PHF20L1: variants seen among roughly 807,000 people sequenced by gnomAD.
PHF20L1 encodes the protein PHD finger protein 20 like 1.
A neutral mutation model predicts 125.5 loss-of-function variants in PHF20L1; 44 were observed. The observed-to-expected ratio is 0.35, with a 90% confidence interval of 0.28 to 0.45. The LOEUF is 0.45. PHF20L1 is among the 20% of genes least tolerant of loss of function. PHF20L1 has a pLI of 1.00. For missense variants in PHF20L1, 1,012 were observed against 1,217.2 expected (o/e 0.83, Z 2.51); for synonymous variants, 380 against 403.1 (o/e 0.94, Z 0.69).
rs1838208935 is a variant in PHF20L1, at chr8:132,844,104, C to T, written c.2749-52C>T. 2.5e-6 allele frequency: 4 copies of T among 1,603,174 alleles called. No individual in the cohort carries two copies. The African/African-American group carries it at 5.4e-5, about 22-fold the overall frequency. On this transcript the variant is annotated intron_variant, in intron 19 of 20. Coordinates refer to ENST00000395386, the MANE Select transcript of PHF20L1 (RefSeq NM_016018.5). ...GTTTCCTGTATCCTTAACTCAATGA[C>T]TGCATTTCATCCCGTTCTTTGTGTT...
Position 132,842,552 on chromosome 8 carries a change from T to C in PHF20L1, c.2425T>C (p.Ser809Pro). Residue 809 changes from serine to proline, a missense_variant, in exon 19 of 21, where the codon TCC becomes CCC. By Grantham distance (74) the Ser-to-Pro change is moderately conservative. Around this residue, in one of 7 missense-constraint regions of PHF20L1, gnomAD observed 277 missense variants for 283.6 expected, o/e 0.98. Transcript: ENST00000395386. ...TCCTGACCTTCATCTCTGGGCTTGT[T>C]CCGGGAAGCGAAAAGACCAAGATCA... Reference protein sequence around the residue: ...HHPDLHLWACSGKRKDQDQII... With the variant: ...HHPDLHLWACPGKRKDQDQII... 1.2e-6 allele frequency: 2 copies of C among 1,611,266 alleles called. No homozygotes were observed. Among genetic ancestry groups the C allele is most frequent in the Non-Finnish European group, 1.7e-6 (2 of 1,179,090 alleles).
chr8:132,812,566 A>G, intron 9 of PHF20L1: 8 of 984,538 alleles, frequency 8.1e-6, no homozygotes, highest in Non-Finnish European at 9.6e-6. Context: ...ATCATTAATG[A>G]AAACCTTGTA....
chr8:132,821,670 TA>T (rs1835616747), intron 12 of PHF20L1, among the ~76,000 whole-genome samples: 3 of 151,920 alleles, frequency 2.0e-5, no homozygotes, highest in Non-Finnish European at 4.4e-5. Flanking sequence ...GAAGAATCTG[TA>T]ATGTTTAGCA....
At chr8:132,804,909 T>A (rs1661527588) in intron 8 of PHF20L1, among the ~76,000 whole-genome samples, 169 bp downstream of exon 8, 1 of 151,910 alleles carries the variant, frequency 6.6e-6, no homozygotes. Flanking sequence ...CACCGTCAGC[T>A]TTTTCTGTTG....
chr8:132,780,917 T>C (rs1830352025), intron 2 of PHF20L1, among the ~76,000 whole-genome samples: 2 of 150,874 alleles, frequency 1.3e-5, no homozygotes, highest in East Asian at 3.9e-4. Context: ...TGATCTTGGC[T>C]CACTAAAACC....
intron 2 of PHF20L1, among the ~76,000 whole-genome samples, chr8:132,781,538 C>T (rs938021853): frequency 1.3e-5 from 2 of 152,120 alleles, no homozygotes; most frequent in Admixed American, 1.3e-4. Context: ...AAGTGATTCC[C>T]CTGCCTCAGC....
intron 12 of PHF20L1, chr8:132,817,767 G>T: frequency 2.2e-6 from 1 of 446,746 alleles, no homozygotes. Flanking sequence ...GCTTAACCTT[G>T]TCACTTGATC....
At chr8:132,796,928 G>T (rs1832458816) in intron 4 of PHF20L1, among the ~76,000 whole-genome samples, 2 of 152,008 alleles carry the variant, frequency 1.3e-5, no homozygotes, top group Non-Finnish European at 2.9e-5. Context: ...AAGAGCTTTG[G>T]GGCCTTCGTT....
intron 2 of PHF20L1, among the ~76,000 whole-genome samples, chr8:132,793,597 TC>T (rs1832032347): frequency 6.6e-6 from 1 of 152,228 alleles, no homozygotes; most frequent in East Asian, 1.9e-4. Context: ...AATTGAGTCA[TC>T]TGTTAACATT....
Position 132,788,477 on chromosome 8 carries a change from A to G in PHF20L1, c.84-5933A>G, listed in dbSNP as rs1047488571. On this transcript the variant is annotated intron_variant, in intron 2 of 20. Coordinates refer to ENST00000395386, the MANE Select transcript of PHF20L1 (RefSeq NM_016018.5). The stretch of plus-strand genomic sequence containing the variant: ...TCTCATGGTCTTTAGGGCATTTGGC[A>G]GCATATTCTGGCCCTGCTTGGTGGA... Among the ~76,000 whole-genome samples the G allele has an allele frequency of 2.6e-5, 4 of 152,094 alleles. No individual in the cohort carries two copies. In the East Asian group the frequency reaches 7.7e-4, roughly 29 times the overall value.
chr8:132,790,413 G>A (rs575130882), intron 2 of PHF20L1, among the ~76,000 whole-genome samples: 5 of 152,094 alleles, frequency 3.3e-5, no homozygotes, highest in East Asian at 3.9e-4. Context: ...TTTTCCTCTC[G>A]CAGTGTAACT....
chr8:132,843,918 C>G (rs984476155), intron 19 of PHF20L1: 1 of 985,054 alleles, frequency 1.0e-6, no homozygotes, highest in African/African-American at 1.7e-5. Context: ...TTTATTGAAG[C>G]CTTCTTGCCT....
intron 2 of PHF20L1, 61 bp downstream of exon 2, chr8:132,777,972 A>G (rs908767619): frequency 2.0e-6 from 2 of 1,003,134 alleles, no homozygotes; most frequent in African/African-American, 1.6e-5. Context: ...ACATATGTTA[A>G]TTAAAACAGT....
At chr8:132,795,922 T>C (rs1240832027) in intron 4 of PHF20L1, among the ~76,000 whole-genome samples, 1 of 152,130 alleles carries the variant, frequency 6.6e-6, no homozygotes, top group Non-Finnish European at 1.5e-5. Context: ...CTCTTGTCTC[T>C]CTCTTGCAAA....
rs559350407 is a variant in PHF20L1, at chr8:132,817,539, G to A, written c.1573G>A (p.Ala525Thr). 1.9e-6 allele frequency: 3 copies of A among 1,608,698 alleles called. No individual in the cohort carries two copies. The highest frequency in any genetic ancestry group is 2.5e-6 in the Non-Finnish European group (3 of 1,177,520). Reference protein sequence around the residue: ...AIADGRGAPAAAGISKTEKKV... With the variant: ...AIADGRGAPATAGISKTEKKV... ...AGCTGATGGAAGAGGAGCTCCAGCA[G>A]CAGCAGGTAAAAGAAAAAAAATAAA... Residue 525 changes from alanine to threonine, a missense_variant, in exon 12 of 21, where the codon GCA becomes ACA. Around this residue, in one of 7 missense-constraint regions of PHF20L1, gnomAD observed 320 missense variants for 293.8 expected, o/e 1.09. Coordinates refer to ENST00000395386, the MANE Select transcript of PHF20L1 (RefSeq NM_016018.5).
Position 132,799,164 on chromosome 8 carries a change from G to T in PHF20L1, c.499G>T (p.Gly167Ter). ...AGCTGGATCGTGTAACCAGTCTATG[G>T]GAAGTGAGGTAAGAGCCTTTTTTTT... is the stretch of plus-strand genomic sequence containing the variant. Reference protein sequence around the residue: ...DPAGSCNQSMGSEDWIALVKA... With the variant: ...DPAGSCNQSM The change falls in exon 6 of 21, where the codon GGA (glycine) becomes TGA (stop). Residue 167 changes from glycine (G) to a stop codon, truncating the protein, a stop_gained. Transcript: ENST00000395386. LOFTEE classifies it high-confidence loss of function. 6.2e-7 allele frequency: 1 copy of T among 1,600,462 alleles called. No homozygotes were observed. The highest frequency in any genetic ancestry group is 8.5e-7 in the Non-Finnish European group (1 of 1,170,894).
Position 132,836,628 on chromosome 8 carries a change from C to T in PHF20L1, c.1998C>T (p.Thr666=). ...GDEYNQDFDS[T]NFEESQDEDD... The stretch of plus-strand genomic sequence containing the variant: ...AATACAATCAGGACTTTGATTCAAC[C>T]AATTTTGAGGAATCTCAGGATGAGG... Residue 666 remains threonine, a synonymous_variant, in exon 16 of 21, where the codon ACC becomes ACT. Coordinates refer to ENST00000395386, the MANE Select transcript of PHF20L1 (RefSeq NM_016018.5). The T allele has an allele frequency of 6.2e-7, 1 of 1,612,548 alleles. No individual in the cohort carries two copies. The highest frequency in any genetic ancestry group is 8.5e-7 in the Non-Finnish European group (1 of 1,178,836).
At chr8:132,792,587 G>A (rs1831860888) in intron 2 of PHF20L1, among the ~76,000 whole-genome samples, 1 of 152,144 alleles carries the variant, frequency 6.6e-6, no homozygotes, top group Non-Finnish European at 1.5e-5. Flanking sequence ...CTTTAAAGCG[G>A]CTTCTTACGC....
At chr8:132,837,686 CT>C in intron 16 of PHF20L1, 25 bp from the exon 17 acceptor site, 1 of 1,559,072 alleles carries the variant, frequency 6.4e-7, no homozygotes, top group Non-Finnish European at 8.8e-7. Flanking sequence ...GATCGGGTGA[CT>C]GTAATACTCC....
Sources: gnomAD v4.1 joint callset for allele counts (sites outside exome capture counted in the v4.1 genomes callset) on GRCh38, gnomAD v4.1.1 for gene constraint, gnomAD v4.1.1 regional missense constraint, MANE v1.5 for transcripts, NCBI Gene and HGNC (gene_info 2026-07-23, HGNC 2026-07-21) for gene names.